FAIM2: variants seen among roughly 807,000 people sequenced by gnomAD.
The protein encoded by FAIM2 is Fas apoptotic inhibitory molecule 2, also known as protein lifeguard 2.
In FAIM2, 27 loss-of-function variants were observed where a neutral mutation model predicts 47.4. The ratio of observed to expected loss-of-function variants is 0.57; its 90% CI spans 0.42 to 0.78. The LOEUF is 0.78. Ranked by LOEUF, FAIM2 falls within the 30% of genes least tolerant of loss-of-function variation. The probability of loss-of-function intolerance (pLI) is 0.00; values close to 1 mark genes in which losing one functional copy is unlikely to be tolerated. For missense variants in FAIM2, 311 were observed against 389.4 expected (o/e 0.80, Z 1.69); for synonymous variants, 156 against 159.3 (o/e 0.98, Z 0.16).
intron 11 of FAIM2, among the ~76,000 whole-genome samples, chr12:49,885,769 C>G (rs533588955): frequency 3.9e-5 from 6 of 152,262 alleles, no homozygotes; most frequent in Admixed American, 6.5e-5. Flanking sequence ...CCTCCAGTTC[C>G]AAGCCTGGAG....
At chr12:49,883,888 A>G (rs888832689) in intron 11 of FAIM2, among the ~76,000 whole-genome samples, 7 of 152,156 alleles carry the variant, frequency 4.6e-5, no homozygotes, top group Non-Finnish European at 1.0e-4. Flanking sequence ...TTAGCTACAC[A>G]GAGGTCCCTT....
chr12:49,881,550 C>T (rs145091975), intron 11 of FAIM2, among the ~76,000 whole-genome samples: 5 of 152,146 alleles, frequency 3.3e-5, no homozygotes, highest in Non-Finnish European at 7.4e-5. Flanking sequence ...TAGAAGCCAG[C>T]TGCAGGCATG....
intron 5 of FAIM2, among the ~76,000 whole-genome samples, chr12:49,893,622 T>C (rs7308518): frequency 6.6e-6 from 1 of 151,768 alleles, no homozygotes; most frequent in African/African-American, 2.4e-5. Flanking sequence ...GATGCAGGAG[T>C]TGAGACAAGC....
intron 6 of FAIM2, 96 bp downstream of exon 6, chr12:49,890,968 G>A (rs1946895910): frequency 7.9e-7 from 1 of 1,263,138 alleles, no homozygotes; most frequent in Non-Finnish European, 1.2e-6. Flanking sequence ...GCCCTCTCAG[G>A]GCTGCACAGC....
chr12:49,898,898 A>T (rs1946961146), intron 2 of FAIM2, among the ~76,000 whole-genome samples: 1 of 150,804 alleles, frequency 6.6e-6, no homozygotes, highest in Admixed American at 6.6e-5. Context: ...GACCGCTGGT[A>T]CTCCAGCTGG....
At chr12:49,881,866 A>G (rs1946828032) in intron 11 of FAIM2, among the ~76,000 whole-genome samples, 1 of 152,232 alleles carries the variant, frequency 6.6e-6, no homozygotes, top group Non-Finnish European at 1.5e-5. Flanking sequence ...AAGCTGGACC[A>G]GAGCCCTGAG....
At chr12:49,880,794 G>C (rs1436788201) in intron 11 of FAIM2, among the ~76,000 whole-genome samples, 1 of 151,980 alleles carries the variant, frequency 6.6e-6, no homozygotes, top group African/African-American at 2.4e-5. Context: ...GTATGTATAT[G>C]TGTTTGTGCA....
At chr12:49,877,178 C>G (rs902287525) in intron 11 of FAIM2, among the ~76,000 whole-genome samples, 6 of 152,214 alleles carry the variant, frequency 3.9e-5, no homozygotes, top group Non-Finnish European at 7.3e-5. Flanking sequence ...GTCCCCCACC[C>G]CAGGGCTTCT....
chr12:49,870,657 G>A lies in FAIM2; in HGVS notation c.802-4C>T, dbSNP rs1381365296. 5 of 1,613,668 alleles carry A rather than the reference G, an allele frequency of 3.1e-6. No homozygotes were observed. In the South Asian group the frequency reaches 4.4e-5, roughly 14 times the overall value. ...ACTGGGTGTCAAGTGCCAGGAACTG[G>A]GAGAAGTGAGGAGAGAGAGAGAGAG... On this transcript the variant is annotated splice_region_variant and splice_polypyrimidine_tract_variant and intron_variant, in intron 11 of 11. Coordinates refer to ENST00000320634, the MANE Select transcript of FAIM2 (RefSeq NM_012306.4).
At position 49,880,266 on chromosome 12, in the gene FAIM2, A is replaced by G. The variant is rs1375232292; in HGVS notation, c.801+7120T>C. On this transcript the variant is annotated intron_variant, in intron 11 of 11. Transcript: ENST00000320634. ...TGTATGTTCATGTGTATATGTGCGT[A>G]TGTGTATATGTATGCATATGAGTGT... is the stretch of plus-strand genomic sequence containing the variant. Among the ~76,000 whole-genome samples the G allele has an allele frequency of 3.4e-5, 5 of 146,206 alleles. No homozygotes were observed. In the South Asian group the frequency reaches 6.5e-4, roughly 19 times the overall value.
rs549763841 is a variant in FAIM2 at position 49,876,721 on chromosome 12, G to A, written c.802-6068C>T. Among the ~76,000 whole-genome samples, 13 of 152,112 alleles carry A rather than the reference G, an allele frequency of 8.5e-5. No homozygotes were observed. In the South Asian group the frequency reaches 1.7e-3, roughly 19 times the overall value. On this transcript the variant is annotated intron_variant, in intron 11 of 11. Coordinates refer to ENST00000320634, the MANE Select transcript of FAIM2 (RefSeq NM_012306.4). ...CAGGAGGCAGAGCTTGCAGTGAGCC[G>A]AGATTGAGCCACTGCTCTCCAGCCT...
In FAIM2 at chr12:49,878,698, G is replaced by C. The variant is rs1946767255; in HGVS notation, c.802-8045C>G. On this transcript the variant is annotated intron_variant, in intron 11 of 11. Coordinates refer to ENST00000320634, the MANE Select transcript of FAIM2 (RefSeq NM_012306.4). ...TATGTGTGTATATGTGAGTGTATGT[G>C]CATGTGTGCATATATGCGTGTGTGT... Among the ~76,000 whole-genome samples the C allele has an allele frequency of 1.7e-5, 2 of 117,936 alleles. 1 individual carries two copies. The highest frequency in any genetic ancestry group is 1.9e-4 in the Admixed American group (2 of 10,682). The allele number at this position is 117,936 out of a possible 152,430, so 77.4% of individuals were successfully genotyped here. A position where few individuals can be genotyped will look rare whatever the true frequency, so the allele number is the denominator to read the frequency against.
chr12:49,901,340 C>A lies in FAIM2; in HGVS notation c.16-15G>T. On this transcript the variant is annotated splice_polypyrimidine_tract_variant and intron_variant, in intron 1 of 11. Transcript: ENST00000320634. ...GCCACGGAGAGCTATGGAGTAGAGT[C>A]AGAGAGAGAGATAGTCACCAGGGAA... is the stretch of plus-strand genomic sequence containing the variant. 1 of 1,517,512 alleles carries A rather than the reference C, an allele frequency of 6.6e-7. No homozygotes were observed. Among genetic ancestry groups the A allele is most frequent in the South Asian group, 1.3e-5 (1 of 78,700 alleles). 94.0% of individuals were successfully genotyped at this position (1,517,512 alleles called of 1,614,324 possible).
At chr12:49,880,043 C>CAT (rs1387535768) in intron 11 of FAIM2, among the ~76,000 whole-genome samples, 6,898 of 59,038 alleles carry the variant, frequency 0.12, no homozygotes, top group African/African-American at 0.3. Context: ...AGTGTATATG[C>CAT]ATGTGTATAT....
chr12:49,876,295 T>C (rs1420590296), intron 11 of FAIM2, among the ~76,000 whole-genome samples: 1 of 152,118 alleles, frequency 6.6e-6, no homozygotes, highest in Non-Finnish European at 1.5e-5. Context: ...ATTTTACAGA[T>C]AGGGAAACTG....
At chr12:49,885,459 G>A (rs1366213484) in intron 11 of FAIM2, among the ~76,000 whole-genome samples, 2 of 152,158 alleles carry the variant, frequency 1.3e-5, no homozygotes, top group Non-Finnish European at 2.9e-5. Flanking sequence ...CTCCTAGTCC[G>A]ATTCCCCACC....
Position 49,870,393 on chromosome 12 carries a change from A to T in FAIM2, c.*111T>A. ...GGCTGGGGTAGACAGTGACCTGGCCACAGGCTGGGTTGGCAGCTAGTTTTA... is the reference window on the plus strand; with the variant it reads ...GGCTGGGGTAGACAGTGACCTGGCCTCAGGCTGGGTTGGCAGCTAGTTTTA... On this transcript the variant is annotated 3_prime_UTR_variant, in exon 12 of 12. Transcript: ENST00000320634. 9.6e-7 allele frequency: 1 copy of T among 1,038,772 alleles called. No individual in the cohort carries two copies. The highest frequency in any genetic ancestry group is 1.4e-6 in the Non-Finnish European group (1 of 691,596). 64.3% of individuals were successfully genotyped at this position (1,038,772 alleles called of 1,614,324 possible).
chr12:49,878,597 T>TGC lies in FAIM2; in HGVS notation c.802-7945_802-7944insGC, dbSNP rs1491582287. On this transcript the variant is annotated intron_variant, in intron 11 of 11. Transcript: ENST00000320634. ...ATGTGTATATGTACATGTGTATGTG[T>TGC]ATGTGTGCATGTGTATGTGTGCATA... 6.0e-3 allele frequency among the ~76,000 whole-genome samples: 666 copies of TGC among 110,720 alleles called. 113 individuals carry two copies. Among genetic ancestry groups the TGC allele is most frequent in the African/African-American group, 0.02 (624 of 31,742 alleles). 72.6% of individuals were successfully genotyped at this position (110,720 alleles called of 152,430 possible).
At chr12:49,883,721 T>C (rs947478523) in intron 11 of FAIM2, among the ~76,000 whole-genome samples, 5 of 152,038 alleles carry the variant, frequency 3.3e-5, no homozygotes, top group African/African-American at 1.2e-4. Flanking sequence ...AGTCGGCCTT[T>C]TGCAGGATCA....
Sources: gnomAD v4.1 joint callset for allele counts (sites outside exome capture counted in the v4.1 genomes callset) on GRCh38, gnomAD v4.1.1 for gene constraint, MANE v1.5 for transcripts, NCBI Gene and HGNC (gene_info 2026-07-23, HGNC 2026-07-21) for gene names.